Variants in SAMMSON observed in about 807,000 individuals in gnomAD.
The protein encoded by SAMMSON is survival associated mitochondrial melanoma specific oncogenic non-coding RNA, also known as long intergenic non-protein coding RNA 1212.
chr3:70,417,453 G>A (rs2106771997), intron 2 of SAMMSON, among the ~76,000 whole-genome samples: 1 of 152,178 alleles, frequency 6.6e-6, no homozygotes, highest in South Asian at 2.1e-4. Context: ...CTTTAATTTA[G>A]AGCTTTGATT....
At chr3:70,294,077 G>A (rs1265028102) in intron 7 of SAMMSON, among the ~76,000 whole-genome samples, 1 of 151,946 alleles carries the variant, frequency 6.6e-6, no homozygotes, top group Non-Finnish European at 1.5e-5. Context: ...TAAAGACATG[G>A]CCATGTTTTA....
At chr3:70,220,840 C>T (rs1300182519) in intron 4 of SAMMSON, among the ~76,000 whole-genome samples, 1 of 152,100 alleles carries the variant, frequency 6.6e-6, no homozygotes, top group Non-Finnish European at 1.5e-5. Context: ...TTTTGTGCTT[C>T]CATGACATTC....
chr3:70,168,318 T>C (rs907397063), intron 4 of SAMMSON, among the ~76,000 whole-genome samples: 2 of 151,900 alleles, frequency 1.3e-5, no homozygotes, highest in African/African-American at 4.8e-5. Flanking sequence ...GGGTGACAGA[T>C]GAAAGCCATC....
chr3:70,279,910 A>G (rs1464333710), intron 6 of SAMMSON, among the ~76,000 whole-genome samples: 2 of 152,174 alleles, frequency 1.3e-5, no homozygotes, highest in Non-Finnish European at 2.9e-5. Context: ...GAAGAGAAAG[A>G]CATCATATTG....
At chr3:70,421,837 T>C (rs1701315479) in intron 2 of SAMMSON, among the ~76,000 whole-genome samples, 1 of 152,100 alleles carries the variant, frequency 6.6e-6, no homozygotes, top group Admixed American at 6.5e-5. Flanking sequence ...ACTTTTCAGT[T>C]TTCTTGTGCC....
intron 7 of SAMMSON, among the ~76,000 whole-genome samples, chr3:70,309,240 T>C (rs1263156326): frequency 2.6e-5 from 4 of 152,102 alleles, no homozygotes; most frequent in African/African-American, 7.2e-5. Flanking sequence ...TTGAGCAAGA[T>C]GTAAAGTCTT....
chr3:70,017,766 C>G (rs1391965855), intron 3 of SAMMSON, among the ~76,000 whole-genome samples: 1 of 152,090 alleles, frequency 6.6e-6, no homozygotes, highest in African/African-American at 2.4e-5. Flanking sequence ...CCATCAATAC[C>G]TAATTTATTG....
At position 70,275,550 on chromosome 3, in the gene SAMMSON, A is replaced by C. The variant is rs1008775427; in HGVS notation, n.675-15629A>C. ...AAACAAAACAAATCAAATCAAAAAA[A>C]CAAAGGAATTCAGTCCTTGGGACTG... On this transcript the variant is annotated intron_variant and non_coding_transcript_variant, in intron 6 of 9. Coordinates refer to ENST00000642114, the Ensembl canonical transcript of SAMMSON. Among the ~76,000 whole-genome samples the C allele has an allele frequency of 1.8e-4, 27 of 152,228 alleles. No homozygotes were observed. The South Asian group carries it at 4.6e-3, about 26-fold the overall frequency.
chr3:70,035,624 C>T (rs1181631796), intron 3 of SAMMSON, among the ~76,000 whole-genome samples: 1 of 152,118 alleles, frequency 6.6e-6, no homozygotes, highest in Non-Finnish European at 1.5e-5. Context: ...GCCTTTTAGC[C>T]GAACCCTCCG....
rs1192911525 is a variant in SAMMSON, at chr3:70,276,914, A to AT, written n.675-14264dup. Among the ~76,000 whole-genome samples the AT allele has an allele frequency of 2.3e-4, 35 of 152,348 alleles. 1 individual carries two copies. The South Asian group carries it at 6.2e-3, about 27-fold the overall frequency. On this transcript the variant is annotated intron_variant and non_coding_transcript_variant, in intron 6 of 9. Transcript: ENST00000642114. ...CAGAAAGTTTATGTTCTCAACTGTA[A>AT]TCAGTGAGAAATCCTCACATTAATA...
At chr3:70,022,707 A>G (rs950063605) in intron 3 of SAMMSON, among the ~76,000 whole-genome samples, 1 of 152,212 alleles carries the variant, frequency 6.6e-6, no homozygotes, top group Admixed American at 6.5e-5. Flanking sequence ...TTTCTCAAGA[A>G]TACCATTAAA....
At chr3:70,051,445 C>A (rs759001876) in intron 3 of SAMMSON, among the ~76,000 whole-genome samples, 48 of 143,350 alleles carry the variant, frequency 3.3e-4, no homozygotes, top group Admixed American at 4.1e-4. Flanking sequence ...TTTTGCCATT[C>A]TAATGGCAAA....
chr3:70,411,732 G>C (rs1359300535), intron 2 of SAMMSON, among the ~76,000 whole-genome samples: 1 of 152,122 alleles, frequency 6.6e-6, no homozygotes, highest in Admixed American at 6.5e-5. Flanking sequence ...GCACTGTCTT[G>C]CCAGCCGCCA....
intron 2 of SAMMSON, among the ~76,000 whole-genome samples, chr3:70,403,397 G>A (rs1701155875): frequency 6.6e-6 from 1 of 152,168 alleles, no homozygotes; most frequent in South Asian, 2.1e-4. Flanking sequence ...AGGTGTACAA[G>A]AGATGGATGT....
intron 9 of SAMMSON, among the ~76,000 whole-genome samples, chr3:70,376,004 T>G (rs951733192): frequency 2.0e-5 from 3 of 152,106 alleles, no homozygotes; most frequent in African/African-American, 7.2e-5. Context: ...GTCGTATGAT[T>G]TCTAAGAGGA....
At chr3:70,362,767 C>G (rs1702883240) in intron 9 of SAMMSON, among the ~76,000 whole-genome samples, 2 of 149,964 alleles carry the variant, frequency 1.3e-5, no homozygotes, top group Admixed American at 6.7e-5. Context: ...GAAGCTTACT[C>G]TGATCTGTGA....
chr3:70,356,020 T>C (rs1314558966), intron 8 of SAMMSON, among the ~76,000 whole-genome samples: 2 of 152,158 alleles, frequency 1.3e-5, no homozygotes, highest in African/African-American at 4.8e-5. Flanking sequence ...TAAATCAATA[T>C]ACATCAATAG....
At chr3:70,386,280 G>A (rs1417938343) in intron 9 of SAMMSON, among the ~76,000 whole-genome samples, 1 of 152,028 alleles carries the variant, frequency 6.6e-6, no homozygotes, top group East Asian at 1.9e-4. Context: ...GCTCTACCTA[G>A]CTCTCTGATT....
chr3:70,395,917 T>A (rs981499535), intron 2 of SAMMSON, among the ~76,000 whole-genome samples: 2 of 152,112 alleles, frequency 1.3e-5, no homozygotes, highest in African/African-American at 4.8e-5. Context: ...CCTCAGCTCA[T>A]CCAACCCTTC....
Sources: allele counts gnomAD v4.1 joint callset (sites outside exome capture counted in the v4.1 genomes callset), GRCh38; gene constraint gnomAD v4.1.1; transcripts MANE v1.5; gene names NCBI Gene and HGNC (gene_info 2026-07-23, HGNC 2026-07-21).